CFAP52: variants seen among roughly 807,000 people sequenced by gnomAD.
The protein encoded by CFAP52 is cilia- and flagella-associated protein 52.
A neutral mutation model predicts 70.5 loss-of-function variants in CFAP52; 57 were observed. The ratio of observed to expected loss-of-function variants is 0.81; its 90% CI spans 0.65 to 1.01. The LOEUF (loss-of-function observed/expected upper bound fraction) is 1.01. Among genes scored for constraint, CFAP52 ranks in the 50% least tolerant of loss-of-function variants. The pLI is 0.00. For missense variants in CFAP52, 785 were observed against 788.5 expected (o/e 1.00, Z 0.05); for synonymous variants, 267 against 292.5 (o/e 0.91, Z 0.89).
chr17:9,634,348 C>T (rs543595021), intron 10 of CFAP52, among the ~76,000 whole-genome samples: 2 of 152,248 alleles, frequency 1.3e-5, no homozygotes, highest in South Asian at 4.1e-4. Context: ...ATCCTTTGTC[C>T]ATTAAAGGAA....
intron 11 of CFAP52, among the ~76,000 whole-genome samples, chr17:9,637,013 C>T (rs113544023): frequency 0.013 from 2,003 of 152,220 alleles, 43 homozygotes; most frequent in African/African-American, 0.044. Flanking sequence ...CCACTGCACT[C>T]CAGCCTGGGC....
At chr17:9,592,320 G>C (rs1249881444) in intron 3 of CFAP52, among the ~76,000 whole-genome samples, 2 of 151,982 alleles carry the variant, frequency 1.3e-5, no homozygotes, top group Non-Finnish European at 2.9e-5. Context: ...AAAAAAATTA[G>C]CTGGGCGTGG....
At chr17:9,638,915 A>G (rs1316163358) in intron 12 of CFAP52, 3 of 582,350 alleles carry the variant, frequency 5.2e-6, no homozygotes, top group Non-Finnish European at 9.2e-6. Flanking sequence ...GGTACCACTG[A>G]CCTCATAGAG....
At chr17:9,623,908 C>G (rs566848567) in intron 8 of CFAP52, among the ~76,000 whole-genome samples, 2 of 152,228 alleles carry the variant, frequency 1.3e-5, no homozygotes, top group African/African-American at 4.8e-5. Flanking sequence ...ATAATTATCT[C>G]AGTTTTTATT....
intron 7 of CFAP52, among the ~76,000 whole-genome samples, chr17:9,611,805 T>C (rs1271523726): frequency 6.6e-6 from 1 of 152,236 alleles, no homozygotes; most frequent in Non-Finnish European, 1.5e-5. Flanking sequence ...TTAAACTTTT[T>C]TTAGGCAAAT....
chr17:9,615,585 C>A (rs1909871306), intron 8 of CFAP52, among the ~76,000 whole-genome samples: 1 of 151,624 alleles, frequency 6.6e-6, no homozygotes, highest in Admixed American at 6.6e-5. Context: ...AAACTATCTA[C>A]TTTATTTGTA....
intron 11 of CFAP52, 118 bp downstream of exon 11, chr17:9,635,674 A>C: frequency 7.6e-7 from 1 of 1,310,862 alleles, no homozygotes. Context: ...AAGGCAACAC[A>C]GTAAAGGGAT....
At chr17:9,641,579 G>A (rs1418347761) in intron 12 of CFAP52, 145 bp from the exon 13 acceptor site, 4 of 558,740 alleles carry the variant, frequency 7.2e-6, no homozygotes, top group African/African-American at 3.8e-5. Context: ...ACCCCCTGCT[G>A]TAGCCTATTT....
intron 10 of CFAP52, among the ~76,000 whole-genome samples, chr17:9,633,980 C>T (rs1910667604): frequency 6.6e-6 from 1 of 152,096 alleles, no homozygotes; most frequent in Non-Finnish European, 1.5e-5. Flanking sequence ...CGCGCCTGGC[C>T]CATCTTATCT....
intron 8 of CFAP52, among the ~76,000 whole-genome samples, chr17:9,616,317 A>G (rs1433499811): frequency 8.0e-6 from 1 of 125,730 alleles, no homozygotes; most frequent in African/African-American, 3.3e-5. Flanking sequence ...GCACCACGAG[A>G]CTATATCCCA....
At chr17:9,584,248 C>T (rs1436215558) in intron 1 of CFAP52, 3 of 1,278,108 alleles carry the variant, frequency 2.3e-6, no homozygotes, top group African/African-American at 1.5e-5. Flanking sequence ...TAATTACATT[C>T]AAGCATACAA....
At chr17:9,622,561 G>GAAGAAC (rs1910083241) in intron 8 of CFAP52, among the ~76,000 whole-genome samples, 2 of 151,300 alleles carry the variant, frequency 1.3e-5, no homozygotes, top group African/African-American at 4.9e-5. Context: ...AAAAGAAGAA[G>GAAGAAC]AAGAAGAAGA....
chr17:9,608,252 T>C (rs1374100544), intron 7 of CFAP52, 33 bp downstream of exon 7: 1 of 1,498,334 alleles, frequency 6.7e-7, no homozygotes, highest in Admixed American at 2.0e-5. Context: ...TGGGGCTGGG[T>C]AGAGACCCAC....
intron 7 of CFAP52, 66 bp from the exon 8 acceptor site, chr17:9,612,243 T>G: frequency 4.5e-6 from 7 of 1,566,708 alleles, no homozygotes; most frequent in Non-Finnish European, 6.1e-6. Context: ...TCTGCCATGC[T>G]TCACATGATT....
chr17:9,602,628 C>A (rs530627816), intron 6 of CFAP52, among the ~76,000 whole-genome samples: 1 of 152,136 alleles, frequency 6.6e-6, no homozygotes, highest in Non-Finnish European at 1.5e-5. Flanking sequence ...TGAGTATATA[C>A]GCAGTAATGG....
intron 7 of CFAP52, among the ~76,000 whole-genome samples, chr17:9,608,663 C>A (rs1228326888): frequency 6.6e-6 from 1 of 152,126 alleles, no homozygotes; most frequent in Admixed American, 6.5e-5. Flanking sequence ...TAGAAATAGC[C>A]AGCATTCACC....
Position 9,641,809 on chromosome 17 carries a change from C to T in CFAP52, c.1661C>T (p.Thr554Ile), listed in dbSNP as rs758431365. The T allele has an allele frequency of 2.5e-6, 4 of 1,613,746 alleles. No homozygotes were observed. The highest frequency in any genetic ancestry group is 3.4e-6 in the Non-Finnish European group (4 of 1,179,838). ...LSGSINGMDI[T>I]QEGVHFVTGG... The stretch of plus-strand genomic sequence containing the variant: ...GGGTCGATAAATGGCATGGATATCA[C>T]ACAGGAAGGGGTGCACTTTGTCACA... Residue 554 changes from threonine to isoleucine, a missense_variant, in exon 13 of 14, where the codon ACA (threonine) becomes ATA (isoleucine). Thr to Ile is a moderately conservative substitution (Grantham distance 89). Coordinates refer to ENST00000352665, the MANE Select transcript of CFAP52 (RefSeq NM_145054.5).
intron 4 of CFAP52, among the ~76,000 whole-genome samples, chr17:9,596,967 C>T (rs969222422): frequency 1.3e-5 from 2 of 152,120 alleles, no homozygotes; most frequent in African/African-American, 4.8e-5. Flanking sequence ...ATCCACCCAC[C>T]TTTGCCTCCC....
chr17:9,604,692 C>T (rs1199680958), intron 6 of CFAP52, among the ~76,000 whole-genome samples: 2 of 151,178 alleles, frequency 1.3e-5, no homozygotes, highest in Admixed American at 6.6e-5. Context: ...CACTTGAACC[C>T]GGCAGTGAGA....
Sources: allele counts gnomAD v4.1 joint callset (sites outside exome capture counted in the v4.1 genomes callset), GRCh38; gene constraint gnomAD v4.1.1; transcripts MANE v1.5; gene names NCBI Gene and HGNC (gene_info 2026-07-23, HGNC 2026-07-21).